IPO7: variants seen among roughly 807,000 people sequenced by gnomAD.
IPO7 encodes importin-7.
Under a neutral mutation model 136.4 loss-of-function variants are expected in IPO7, and 13 were observed. The ratio of observed to expected loss-of-function variants is 0.10; its 90% CI spans 0.06 to 0.15. IPO7 has a LOEUF of 0.15. Among genes scored for constraint, IPO7 ranks in the 10% least tolerant of loss-of-function variants. The pLI is 1.00. For missense variants in IPO7, 857 were observed against 1,240.6 expected, an observed-to-expected ratio of 0.69 and a Z score of 4.65; for synonymous variants, 403 against 404.4, an observed-to-expected ratio of 1.00 and a Z score of 0.04.
At chr11:9,424,790 C>T (rs1196546874) in intron 10 of IPO7, 124 bp from the exon 11 acceptor site, 1 of 661,554 alleles carries the variant, frequency 1.5e-6, no homozygotes, top group East Asian at 2.8e-5. Flanking sequence ...TTGAATTCTG[C>T]TTTTGCAAAA....
intron 6 of IPO7, among the ~76,000 whole-genome samples, chr11:9,419,070 C>G (rs1590440209): frequency 6.6e-6 from 1 of 152,194 alleles, no homozygotes; most frequent in South Asian, 2.1e-4. Context: ...TCTTACGTGT[C>G]TTTTTGTGGT....
chr11:9,435,104 G>A, intron 19 of IPO7, 73 bp downstream of exon 19: 1 of 886,330 alleles, frequency 1.1e-6, no homozygotes, highest in South Asian at 1.4e-5. Context: ...AAACTCATGT[G>A]ATACCACATT....
intron 23 of IPO7, among the ~76,000 whole-genome samples, chr11:9,441,317 G>T (rs1855457174): frequency 6.6e-6 from 1 of 152,088 alleles, no homozygotes. Flanking sequence ...CTAGGTTCTG[G>T]TTGGTTTTTA....
intron 2 of IPO7, among the ~76,000 whole-genome samples, chr11:9,407,826 G>GGGTAAAAAAAAAA: frequency 6.6e-6 from 1 of 152,126 alleles, no homozygotes; most frequent in East Asian, 1.9e-4. Context: ...CCCACTCTCT[G>GGGTAAAAAAAAAA]AAAGTGCTGG....
In IPO7 at chr11:9,429,124, G is replaced by A; in HGVS notation, c.1519G>A (p.Asp507Asn). Reference sequence around the variant, plus strand: ...AGAGCTAACAAGAAGATGTCTGATTGATGATAGAGAAATGCCTGTGAAAGT... The same window carrying A: ...AGAGCTAACAAGAAGATGTCTGATTAATGATAGAGAAATGCCTGTGAAAGT... ...ALELTRRCLI[D>N]DREMPVKVEA... is the part of the protein sequence containing the mutation. Residue 507 changes from aspartate (D) to asparagine (N), a missense_variant, in exon 14 of 25, where the codon GAT becomes AAT. Around this residue, in one of 11 missense-constraint regions of IPO7, gnomAD observed 127 missense variants for 222.4 expected, o/e 0.57. Transcript: ENST00000379719. 1 of 1,613,838 alleles carries A rather than the reference G, an allele frequency of 6.2e-7. No individual in the cohort carries two copies. The highest frequency in any genetic ancestry group is 8.5e-7 in the Non-Finnish European group (1 of 1,179,704).
At position 9,384,857 on chromosome 11, in the gene IPO7, C is replaced by A. The variant is rs767580129; in HGVS notation, c.84+10C>A. The A allele has an allele frequency of 2.5e-5, 40 of 1,586,766 alleles. No homozygotes were observed. The highest frequency in any genetic ancestry group is 3.2e-5 in the Non-Finnish European group (37 of 1,166,330). On this transcript the variant is annotated intron_variant, in intron 1 of 24. Coordinates refer to ENST00000379719, the MANE Select transcript of IPO7 (RefSeq NM_006391.3). Reference sequence around the variant, plus strand: ...GCGCCAGCTCAATGAAGTAAGGACGCCCGGCTAGCGGTGGCGGCGGGCAGG... The same window carrying A: ...GCGCCAGCTCAATGAAGTAAGGACGACCGGCTAGCGGTGGCGGCGGGCAGG...
At chr11:9,407,231 G>A (rs942725655) in intron 2 of IPO7, among the ~76,000 whole-genome samples, 3 of 152,132 alleles carry the variant, frequency 2.0e-5, no homozygotes, top group Admixed American at 1.3e-4. Context: ...TAATAACCTG[G>A]ACTTTGTTGG....
chr11:9,433,910 A>C, intron 18 of IPO7, 64 bp downstream of exon 18: 1 of 1,440,824 alleles, frequency 6.9e-7, no homozygotes. Context: ...GTAGCTTATC[A>C]TTTGAACATA....
At chr11:9,425,410 C>T (rs1855189226) in intron 12 of IPO7, 148 bp downstream of exon 12, 1 of 616,862 alleles carries the variant, frequency 1.6e-6, no homozygotes, top group Non-Finnish European at 2.9e-6. Context: ...AGTTTGAGAA[C>T]AGCCTGGGCA....
At chr11:9,394,737 A>G (rs1010020422) in intron 1 of IPO7, among the ~76,000 whole-genome samples, 3 of 152,180 alleles carry the variant, frequency 2.0e-5, no homozygotes, top group Non-Finnish European at 4.4e-5. Context: ...TAAACTCCCA[A>G]CATAACTTCA....
intron 1 of IPO7, among the ~76,000 whole-genome samples, chr11:9,389,840 A>G (rs907259445): frequency 3.3e-5 from 5 of 151,802 alleles, no homozygotes; most frequent in African/African-American, 4.8e-5. Context: ...GCTCACTGCA[A>G]CCTCCATCTC....
chr11:9,425,368 A>G (rs144883903), intron 12 of IPO7, 106 bp downstream of exon 12: 8,185 of 714,794 alleles, frequency 0.011, 55 homozygotes, highest in Middle Eastern at 0.016. Flanking sequence ...CACTTTCGGG[A>G]TGCTGAGGCA....
rs1855541655 is a variant in IPO7, at chr11:9,447,237, T to C, written c.*2043T>C. 6.6e-6 allele frequency: 1 copy of C among 152,216 alleles called. No individual in the cohort carries two copies. The highest frequency in any genetic ancestry group is 2.4e-5 in the African/African-American group (1 of 41,456). The allele number at this position is 152,216 out of a possible 1,614,324, so 9.4% of individuals were successfully genotyped here. A position where few individuals can be genotyped will look rare whatever the true frequency, so the allele number is the denominator to read the frequency against. On this transcript the variant is annotated 3_prime_UTR_variant, in exon 25 of 25. Transcript: ENST00000379719. ...TCATATCTAATAAAGGTTTTAGTTATTCCCATGCACAGTATGAAAATTCTC... is the reference window on the plus strand; with the variant it reads ...TCATATCTAATAAAGGTTTTAGTTACTCCCATGCACAGTATGAAAATTCTC...
At chr11:9,421,817 G>C (rs980602671) in intron 8 of IPO7, among the ~76,000 whole-genome samples, 4 of 152,034 alleles carry the variant, frequency 2.6e-5, no homozygotes, top group African/African-American at 9.6e-5. Context: ...GGTGGCGGGC[G>C]CCTGTATTCC....
chr11:9,433,535 T>C, intron 16 of IPO7, 35 bp from the exon 17 acceptor site: 1 of 1,474,276 alleles, frequency 6.8e-7, no homozygotes, highest in South Asian at 1.1e-5. Context: ...TTTAGTAGGC[T>C]GTAACTGCAT....
At chr11:9,428,453 G>C (rs1185766714) in intron 12 of IPO7, 87 bp from the exon 13 acceptor site, 1 of 564,590 alleles carries the variant, frequency 1.8e-6, no homozygotes, top group Non-Finnish European at 3.2e-6. Flanking sequence ...AACATTAATA[G>C]TCATTTTTAA....
chr11:9,393,444 G>GT (rs1854664398), intron 1 of IPO7, among the ~76,000 whole-genome samples: 1 of 152,080 alleles, frequency 6.6e-6, no homozygotes, highest in Admixed American at 6.6e-5. Context: ...CAGTGGCACA[G>GT]TGACAGCTCA....
chr11:9,442,513 A>C (rs1855472948), intron 24 of IPO7, among the ~76,000 whole-genome samples: 1 of 151,970 alleles, frequency 6.6e-6, no homozygotes, highest in Non-Finnish European at 1.5e-5. Context: ...TCCCGGGTTC[A>C]TGCCATTCTC....
intron 1 of IPO7, among the ~76,000 whole-genome samples, chr11:9,401,048 G>T (rs1451312459): frequency 6.6e-6 from 1 of 152,032 alleles, no homozygotes; most frequent in Non-Finnish European, 1.5e-5. Context: ...GGGCGTGGTG[G>T]CATGTGCCTG....
Sources: allele counts gnomAD v4.1 joint callset (sites outside exome capture counted in the v4.1 genomes callset), GRCh38; gene constraint gnomAD v4.1.1; regional missense constraint gnomAD v4.1.1; transcripts MANE v1.5; gene names NCBI Gene and HGNC (gene_info 2026-07-23, HGNC 2026-07-21).